RAPGEF1: variants seen among roughly 807,000 people sequenced by gnomAD.
RAPGEF1 encodes CRK SH3-binding GNRP.
Under a neutral mutation model 143.3 loss-of-function variants are expected in RAPGEF1, and 33 were observed. That is an observed-to-expected ratio of 0.23 (90% CI 0.17 to 0.31). RAPGEF1 has a LOEUF of 0.31. RAPGEF1 is among the 10% of genes least tolerant of loss of function. The probability of loss-of-function intolerance (pLI) is 1.00; values close to 1 mark genes in which losing one functional copy is unlikely to be tolerated. For missense variants in RAPGEF1, 1,199 were observed against 1,645.4 expected, an observed-to-expected ratio of 0.73 and a Z score of 4.69; for synonymous variants, 629 against 676.5, an observed-to-expected ratio of 0.93 and a Z score of 1.09.
intron 19 of RAPGEF1, 133 bp from the exon 20 acceptor site, chr9:131,589,119 G>A: frequency 1.2e-6 from 1 of 838,428 alleles, no homozygotes; most frequent in Non-Finnish European, 1.8e-6. Context: ...CTCATGGGAA[G>A]AGAGCAGGAG....
At chr9:131,722,675 C>T (rs910211460) in intron 1 of RAPGEF1, among the ~76,000 whole-genome samples, 5 of 152,318 alleles carry the variant, frequency 3.3e-5, no homozygotes, top group African/African-American at 1.2e-4. Flanking sequence ...TGACTGGGTC[C>T]CCATCCAGAG....
intron 1 of RAPGEF1, among the ~76,000 whole-genome samples, chr9:131,736,187 TCTC>T (rs1273056933): frequency 4.6e-5 from 7 of 152,040 alleles, no homozygotes; most frequent in Non-Finnish European, 1.0e-4. Context: ...AAGAGCCTCT[TCTC>T]CTCTGCAGGC....
chr9:131,625,018 C>G (rs1962522118), intron 10 of RAPGEF1, among the ~76,000 whole-genome samples: 2 of 152,246 alleles, frequency 1.3e-5, no homozygotes, highest in African/African-American at 4.8e-5. Context: ...GAGAATGGGG[C>G]CCAGCTCTAA....
At chr9:131,618,429 A>G (rs1959528164) in intron 12 of RAPGEF1, among the ~76,000 whole-genome samples, 1 of 152,212 alleles carries the variant, frequency 6.6e-6, no homozygotes, top group Non-Finnish European at 1.5e-5. Flanking sequence ...TATTATTTTA[A>G]GCCACCAAGT....
chr9:131,735,113 A>T (rs1021749392), intron 1 of RAPGEF1, among the ~76,000 whole-genome samples: 1 of 152,160 alleles, frequency 6.6e-6, no homozygotes, highest in Admixed American at 6.5e-5. Flanking sequence ...ATGGCCCAGG[A>T]GGCCGGGATC....
At chr9:131,620,167 G>A (rs1170144746) in intron 11 of RAPGEF1, among the ~76,000 whole-genome samples, 1 of 152,162 alleles carries the variant, frequency 6.6e-6, no homozygotes, top group East Asian at 1.9e-4. Context: ...CTCCCTAGGG[G>A]TGTCTCCCCA....
At chr9:131,714,900 T>G (rs558600827) in intron 1 of RAPGEF1, among the ~76,000 whole-genome samples, 1 of 151,994 alleles carries the variant, frequency 6.6e-6, no homozygotes, top group Non-Finnish European at 1.5e-5. Flanking sequence ...TTTGTAGAGA[T>G]AGCATCTTGC....
chr9:131,680,080 C>T (rs1363743881), intron 1 of RAPGEF1, among the ~76,000 whole-genome samples: 6 of 152,242 alleles, frequency 3.9e-5, no homozygotes, highest in Non-Finnish European at 8.8e-5. Flanking sequence ...GCAACTAAAA[C>T]TCCCATCCCC....
At chr9:131,644,382 A>T (rs1005402523) in intron 3 of RAPGEF1, among the ~76,000 whole-genome samples, 1 of 143,264 alleles carries the variant, frequency 7.0e-6, no homozygotes, top group African/African-American at 2.5e-5. Context: ...CTGGTTTGGG[A>T]GGCTGTCCTT....
intron 1 of RAPGEF1, among the ~76,000 whole-genome samples, chr9:131,715,010 C>T (rs4740179): frequency 0.036 from 5,419 of 152,084 alleles, 211 homozygotes; most frequent in East Asian, 0.091. Context: ...CGAGTCTGGC[C>T]GAGACTGCTT....
At chr9:131,707,966 T>C (rs1389702732) in intron 1 of RAPGEF1, among the ~76,000 whole-genome samples, 2 of 152,114 alleles carry the variant, frequency 1.3e-5, no homozygotes, top group African/African-American at 4.8e-5. Context: ...TCCCGAACTG[T>C]CCCCCAATGT....
Position 131,644,556 on chromosome 9 carries a change from G to A in RAPGEF1, c.316-1139C>T, listed in dbSNP as rs1969022072. Among the ~76,000 whole-genome samples the A allele has an allele frequency of 2.0e-5, 3 of 152,154 alleles. No individual in the cohort carries two copies. The South Asian group carries it at 6.2e-4, about 32-fold the overall frequency. On this transcript the variant is annotated intron_variant, in intron 3 of 26. Transcript: ENST00000683357. ...GGTCTAGAGGATATAAATAAAAACT[G>A]AGGGCAAGAAGATAATTTCTAGAAA...
rs1185939250 is a variant in RAPGEF1 at position 131,699,169 on chromosome 9, C to G, written c.61+40601G>C. Among the ~76,000 whole-genome samples, 15 of 152,144 alleles carry G rather than the reference C, an allele frequency of 9.9e-5. No homozygotes were observed. In the East Asian group the frequency reaches 2.7e-3, roughly 27 times the overall value. On this transcript the variant is annotated intron_variant, in intron 1 of 26. Transcript: ENST00000683357. ...CGCTTTCAGCAAAACTCCAAGAACG[C>G]CCATGCTCCCTGTGGCCAATTCTCC...
chr9:131,581,260 GGCGTGTACCTGTAATCCCA>G, intron 25 of RAPGEF1, among the ~76,000 whole-genome samples: 1 of 152,136 alleles, frequency 6.6e-6, no homozygotes, highest in Non-Finnish European at 1.5e-5. Context: ...TGGGCATGGT[GGCGTGTACCTGTAATCCCA>G]GCTACTAAGG....
rs1961101138 is a variant in RAPGEF1 at position 131,621,745 on chromosome 9, A to G, written c.1905+51T>C. 1 of 1,524,182 alleles carries G rather than the reference A, an allele frequency of 6.6e-7. No homozygotes were observed. The highest frequency in any genetic ancestry group is 1.2e-5 in the South Asian group (1 of 84,156). The allele number at this position is 1,524,182 out of a possible 1,614,324, so 94.4% of individuals were successfully genotyped here. A position where few individuals can be genotyped will look rare whatever the true frequency, so the allele number is the denominator to read the frequency against. On this transcript the variant is annotated intron_variant, in intron 11 of 26. Coordinates refer to ENST00000683357, the MANE Select transcript of RAPGEF1 (RefSeq NM_001377935.1). The surrounding 1 kb of genome is among the most constrained non-coding windows in gnomAD (Gnocchi z 4.5). ...CCCAAGGAGGGTCATTCTGGTTCCT[A>G]GAGACCTGCTAGGATCGGAAGTTCT...
chr9:131,590,942 T>C (rs926270445), intron 18 of RAPGEF1, among the ~76,000 whole-genome samples: 3 of 152,210 alleles, frequency 2.0e-5, no homozygotes, highest in Non-Finnish European at 4.4e-5. Flanking sequence ...TAGGGAGTTA[T>C]AGAGCAGTGG....
chr9:131,643,271 G>A lies in RAPGEF1; in HGVS notation c.462C>T (p.Pro154=), dbSNP rs778236043. 11 of 1,612,668 alleles carry A rather than the reference G, an allele frequency of 6.8e-6. No homozygotes were observed. In the African/African-American group the frequency reaches 1.1e-4, roughly 16 times the overall value. The change falls in exon 4 of 27, where the codon CCC becomes CCT. Residue 154 remains proline (P), a synonymous_variant. Transcript: ENST00000683357. ...GAATTCGAGGATCGTTCTGCACCAG[G>A]GGTAAGATGGCCTCCAGCACCTTGC... ...SASKVLEAIL[P]LVQNDPRIQH... is the part of the protein sequence containing the mutation.
chr9:131,700,227 A>G (rs1430809895), intron 1 of RAPGEF1, among the ~76,000 whole-genome samples: 1 of 152,110 alleles, frequency 6.6e-6, no homozygotes, highest in Non-Finnish European at 1.5e-5. Context: ...ATGGGTCTCC[A>G]GCCTCCGCCC....
intron 12 of RAPGEF1, among the ~76,000 whole-genome samples, chr9:131,612,623 C>G (rs1302069769): frequency 6.6e-6 from 1 of 152,162 alleles, no homozygotes; most frequent in Non-Finnish European, 1.5e-5. Flanking sequence ...ATAGGTGGCT[C>G]TACGTTATCC....
Sources: allele counts gnomAD v4.1 joint callset (sites outside exome capture counted in the v4.1 genomes callset), GRCh38; gene constraint gnomAD v4.1.1; non-coding constraint Gnocchi (gnomAD v3.1); transcripts MANE v1.5; gene names NCBI Gene and HGNC (gene_info 2026-07-23, HGNC 2026-07-21).